The following UBE3A variants were observed in gnomAD, a reference collection of about 807,000 sequenced individuals.
The protein encoded by UBE3A is ubiquitin protein ligase E3A.
UBE3A carries 6 observed loss-of-function variants against 83.4 expected under a neutral mutation model. The ratio of observed to expected loss-of-function variants is 0.07; its 90% CI spans 0.04 to 0.14. The LOEUF (loss-of-function observed/expected upper bound fraction) is 0.14. Among genes scored for constraint, UBE3A ranks in the 10% least tolerant of loss-of-function variants. The pLI is 1.00. For synonymous variants in UBE3A, 337 were observed against 355.4 expected, an observed-to-expected ratio of 0.95 and a Z score of 0.58; for missense variants, 456 against 1,036.1, an observed-to-expected ratio of 0.44 and a Z score of 7.69.
Position 25,339,090 on chromosome 15 carries a change from CTTTT to C in UBE3A, c.*43_*46del. 1.4e-6 allele frequency: 2 copies of C among 1,461,892 alleles called. No individual in the cohort carries two copies. The highest frequency in any genetic ancestry group is 2.5e-4 in the Middle Eastern group (1 of 3,994). The allele number at this position is 1,461,892 out of a possible 1,614,324, so 90.6% of individuals were successfully genotyped here. A position where few individuals can be genotyped will look rare whatever the true frequency, so the allele number is the denominator to read the frequency against. ...ATTTTTAAAATTTTTTAAATTTTTT[CTTTT>C]TTTTTCCTTCCTTTTTTTTGTTTTA... is the stretch of plus-strand genomic sequence containing the variant. On this transcript the variant is annotated 3_prime_UTR_variant, in exon 13 of 13. Coordinates refer to ENST00000648336, the MANE Select transcript of UBE3A (RefSeq NM_130839.5).
At chr15:25,377,357 GAA>G (rs779491101) in intron 4 of UBE3A, among the ~76,000 whole-genome samples, 41 of 151,864 alleles carry the variant, frequency 2.7e-4, no homozygotes, top group Non-Finnish European at 5.0e-4. Context: ...TGCAAACAGA[GAA>G]AAAAGAAAAC....
At chr15:25,361,273 G>A (rs1439862030) in intron 6 of UBE3A, among the ~76,000 whole-genome samples, 1 of 152,046 alleles carries the variant, frequency 6.6e-6, no homozygotes, top group East Asian at 1.9e-4. Flanking sequence ...TTACAGGCAG[G>A]CGCCACTACG....
chr15:25,375,410 A>G (rs2081049059), intron 5 of UBE3A, 55 bp downstream of exon 5: 2 of 1,581,944 alleles, frequency 1.3e-6, no homozygotes, highest in African/African-American at 2.7e-5. Context: ...AATACATTTA[A>G]ATCTCCCACA....
intron 9 of UBE3A, among the ~76,000 whole-genome samples, chr15:25,355,282 C>T (rs186388857): frequency 6.6e-6 from 1 of 152,246 alleles, no homozygotes; most frequent in African/African-American, 2.4e-5. Context: ...CTGACTGACA[C>T]ATAAACTACT....
At position 25,370,142 on chromosome 15, in the gene UBE3A, G is replaced by T. The variant is rs974455032; in HGVS notation, c.1608+424C>A. Among the ~76,000 whole-genome samples the T allele has an allele frequency of 6.6e-6, 1 of 152,072 alleles. No individual in the cohort carries two copies. Among genetic ancestry groups the T allele is most frequent in the Non-Finnish European group, 1.5e-5 (1 of 68,004 alleles). Reference sequence around the variant, plus strand: ...AATAATGCAACTCTGAATTTTACACGATGGAATTTTTTGGACACTACCTAT... The same window carrying T: ...AATAATGCAACTCTGAATTTTACACTATGGAATTTTTTGGACACTACCTAT... On this transcript the variant is annotated intron_variant, in intron 6 of 12. Transcript: ENST00000648336. This position sits in a 1 kb window ranked among gnomAD's most constrained non-coding sequence, Gnocchi z 4.2.
At chr15:25,354,821 ACTT>A (rs1321427703) in intron 9 of UBE3A, 138 bp from the exon 10 acceptor site, 16 of 784,600 alleles carry the variant, frequency 2.0e-5, no homozygotes, top group South Asian at 5.4e-5. Context: ...TTTTACACCT[ACTT>A]CTTAACAATT....
At chr15:25,350,908 G>T (rs1166841013) in intron 11 of UBE3A, among the ~76,000 whole-genome samples, 1 of 152,158 alleles carries the variant, frequency 6.6e-6, no homozygotes, top group African/African-American at 2.4e-5. Flanking sequence ...TGTTCTAATG[G>T]GGGATGGAGA....
intron 1 of UBE3A, among the ~76,000 whole-genome samples, chr15:25,428,002 CA>C: frequency 6.6e-6 from 1 of 152,236 alleles, no homozygotes; most frequent in African/African-American, 2.4e-5. Context: ...ACAAATACCA[CA>C]TGTTCTCACT....
intron 11 of UBE3A, among the ~76,000 whole-genome samples, chr15:25,341,625 T>TG (rs2074819045): frequency 1.3e-5 from 2 of 150,852 alleles, no homozygotes; most frequent in South Asian, 2.1e-4. Context: ...TAGCCGGGCG[T>TG]GGTGGCAGAT....
intron 1 of UBE3A, among the ~76,000 whole-genome samples, chr15:25,416,736 G>A (rs568625676): frequency 5.3e-5 from 8 of 151,726 alleles, no homozygotes; most frequent in African/African-American, 1.9e-4. Flanking sequence ...AGAAAGATCC[G>A]AAAGTATCTG....
At chr15:25,394,741 C>T (rs1354022058) in intron 4 of UBE3A, among the ~76,000 whole-genome samples, 1 of 152,122 alleles carries the variant, frequency 6.6e-6, no homozygotes, top group African/African-American at 2.4e-5. Flanking sequence ...TATATATATA[C>T]ATAAACTGAT....
intron 1 of UBE3A, among the ~76,000 whole-genome samples, chr15:25,425,616 T>C (rs565442263): frequency 2.6e-5 from 4 of 152,276 alleles, no homozygotes; most frequent in African/African-American, 7.2e-5. Context: ...TTTTTCCCTC[T>C]ACAGTTAAAC....
intron 1 of UBE3A, among the ~76,000 whole-genome samples, chr15:25,435,856 A>G (rs1418496214): frequency 1.3e-5 from 2 of 152,228 alleles, no homozygotes; most frequent in Non-Finnish European, 2.9e-5. Context: ...AATAAACAAC[A>G]TAAAGGATAA....
intron 11 of UBE3A, among the ~76,000 whole-genome samples, chr15:25,349,737 A>G (rs2076223271): frequency 6.6e-6 from 1 of 152,170 alleles, no homozygotes; most frequent in African/African-American, 2.4e-5. Flanking sequence ...TCTTTGGCAT[A>G]TATATTCGAA....
At chr15:25,408,431 G>T in intron 3 of UBE3A, 1 of 760,488 alleles carries the variant, frequency 1.3e-6, no homozygotes, top group East Asian at 2.7e-5. Context: ...TTATCCTAAA[G>T]TGTGTCAGAA....
At chr15:25,428,800 A>G (rs186155873) in intron 1 of UBE3A, among the ~76,000 whole-genome samples, 1 of 152,312 alleles carries the variant, frequency 6.6e-6, no homozygotes, top group East Asian at 1.9e-4. Flanking sequence ...TAATGCTGAT[A>G]AAGTATACAT....
intron 4 of UBE3A, among the ~76,000 whole-genome samples, chr15:25,388,762 A>T (rs1430839431): frequency 6.6e-6 from 1 of 152,226 alleles, no homozygotes; most frequent in Non-Finnish European, 1.5e-5. Context: ...AAGTGATTAT[A>T]GCAAAGCTGC....
At chr15:25,400,558 G>T (rs2086829457) in intron 4 of UBE3A, among the ~76,000 whole-genome samples, 1 of 152,070 alleles carries the variant, frequency 6.6e-6, no homozygotes, top group Non-Finnish European at 1.5e-5. Context: ...TGCATGTTTT[G>T]TTTTTGGTAC....
chr15:25,343,862 A>G (rs1218727483), intron 11 of UBE3A, among the ~76,000 whole-genome samples: 5 of 152,228 alleles, frequency 3.3e-5, no homozygotes, highest in Admixed American at 1.3e-4. Context: ...AAAAATGTCC[A>G]TTATCATTCA....
Sources: allele counts gnomAD v4.1 joint callset (sites outside exome capture counted in the v4.1 genomes callset), GRCh38; gene constraint gnomAD v4.1.1; non-coding constraint Gnocchi (gnomAD v3.1); transcripts MANE v1.5; gene names NCBI Gene and HGNC (gene_info 2026-07-23, HGNC 2026-07-21).